The following DDAH1 variants were observed in gnomAD, a reference collection of about 807,000 sequenced individuals.
The protein encoded by DDAH1 is dimethylarginine dimethylaminohydrolase 1.
DDAH1 carries 19 observed loss-of-function variants against 28.8 expected under a neutral mutation model. The ratio of observed to expected loss-of-function variants is 0.66; its 90% confidence interval spans 0.46 to 0.97. The LOEUF (loss-of-function observed/expected upper bound fraction) is 0.97, where lower values mean the gene tolerates loss of function less well. Ranked by LOEUF, DDAH1 falls within the 50% of genes least tolerant of loss-of-function variation. DDAH1 has a pLI of 0.00. For synonymous variants in DDAH1, 153 were observed against 154.4 expected, an observed-to-expected ratio of 0.99 and a Z score of 0.07; for missense variants, 326 against 375.9, an observed-to-expected ratio of 0.87 and a Z score of 1.10.
intron 1 of DDAH1, among the ~76,000 whole-genome samples, chr1:85,514,945 G>T (rs519685): frequency 0.15 from 22,672 of 151,398 alleles, 1,968 homozygotes; most frequent in South Asian, 0.24. Flanking sequence ...ACCAAGATCT[G>T]GGTTCTAGGT....
chr1:85,516,016 C>G (rs1285092613), intron 1 of DDAH1, among the ~76,000 whole-genome samples: 1 of 151,996 alleles, frequency 6.6e-6, no homozygotes, highest in Non-Finnish European at 1.5e-5. Flanking sequence ...ATATGGTCAC[C>G]CTTTTGTTTC....
intron 1 of DDAH1, among the ~76,000 whole-genome samples, chr1:85,519,582 A>C (rs1372174990): frequency 9.2e-5 from 14 of 152,206 alleles, no homozygotes; most frequent in African/African-American, 3.4e-4. Flanking sequence ...TTACACGGAC[A>C]AAAAAGAAGA....
At chr1:85,559,806 GA>G (rs34636637) in intron 1 of DDAH1, among the ~76,000 whole-genome samples, 93,302 of 147,642 alleles carry the variant, frequency 0.63, 29,507 homozygotes, top group African/African-American at 0.68. Flanking sequence ...GAAAAAGACT[GA>G]AAAAAAAAAA....
upstream of DDAH1, among the ~76,000 whole-genome samples, chr1:85,468,225 G>A (rs770910549): frequency 3.3e-5 from 5 of 152,180 alleles, no homozygotes; most frequent in Non-Finnish European, 5.9e-5. Context: ...AGATGTTCCT[G>A]ATTGATTCTC....
intron 1 of DDAH1, among the ~76,000 whole-genome samples, chr1:85,556,266 C>A (rs567550591): frequency 6.6e-6 from 1 of 152,144 alleles, no homozygotes; most frequent in African/African-American, 2.4e-5. Context: ...ACATCCTCTG[C>A]CCCATTGCCA....
chr1:85,411,092 C>T (rs1030663566), intron 1 of DDAH1, among the ~76,000 whole-genome samples: 15 of 152,162 alleles, frequency 9.9e-5, no homozygotes, highest in African/African-American at 1.9e-4. Flanking sequence ...AGTGTCTTGG[C>T]GGGGATCCTG....
intron 1 of DDAH1, among the ~76,000 whole-genome samples, chr1:85,510,140 C>G (rs1284078601): frequency 6.6e-6 from 1 of 152,216 alleles, no homozygotes; most frequent in Admixed American, 6.5e-5. Context: ...ATCAGACTAA[C>G]AGCAGATCAC....
intron 1 of DDAH1, among the ~76,000 whole-genome samples, chr1:85,418,437 G>T (rs1369933443): frequency 1.3e-5 from 2 of 151,962 alleles, no homozygotes; most frequent in African/African-American, 4.8e-5. Context: ...ACACATCTGG[G>T]GTTTATAATT....
rs569808467 is a variant in DDAH1 at position 85,414,036 on chromosome 1, G to A, written c.303+50707C>T. 4.2e-4 allele frequency among the ~76,000 whole-genome samples: 64 copies of A among 152,260 alleles called. No homozygotes were observed. The South Asian group carries it at 0.013, about 31-fold the overall frequency. On this transcript the variant is annotated intron_variant, in intron 1 of 5. Transcript: ENST00000284031. ...TTATTGTATGCTTAACATGTATCAG[G>A]TCAGGCACTGTACATTTAACTTTCA... is the stretch of plus-strand genomic sequence containing the variant.
intron 4 of DDAH1, among the ~76,000 whole-genome samples, chr1:85,328,391 G>A (rs781177118): frequency 2.0e-5 from 3 of 152,228 alleles, no homozygotes; most frequent in Non-Finnish European, 2.9e-5. Context: ...CTTCATAGTA[G>A]AGTGGGGCTG....
At chr1:85,417,705 CA>C (rs1447622331) in intron 1 of DDAH1, among the ~76,000 whole-genome samples, 1 of 152,116 alleles carries the variant, frequency 6.6e-6, no homozygotes, top group Non-Finnish European at 1.5e-5. Context: ...TTATTCAATA[CA>C]AAAAGAATAA....
chr1:85,350,367 T>G (rs1424493543), intron 4 of DDAH1, 48 bp downstream of exon 4: 17 of 1,593,318 alleles, frequency 1.1e-5, no homozygotes, highest in African/African-American at 4.0e-5. Context: ...AAAAACCCTG[T>G]GGCAGGCACC....
At chr1:85,516,063 C>T (rs1460566478) in intron 1 of DDAH1, among the ~76,000 whole-genome samples, 9 of 151,660 alleles carry the variant, frequency 5.9e-5, no homozygotes, top group South Asian at 2.1e-4. Flanking sequence ...TTTTTCTAAG[C>T]GCAACAGTCA....
chr1:85,527,329 GTC>G lies in DDAH1; in HGVS notation c.-122-31050_-122-31049del. ...AGCGAAAGGCTTGTGCAGCGGTCTG[GTC>G]TCTGTGAACCATGCAGGCAGTGTTG... On this transcript the variant is annotated intron_variant, in intron 1 of 6. Transcript: ENST00000426972. Among the ~76,000 whole-genome samples, 5 of 148,458 alleles carry G rather than the reference GTC, an allele frequency of 3.4e-5. No individual in the cohort carries two copies. In the Middle Eastern group the frequency reaches 0.017, roughly 512 times the overall value.
At chr1:85,558,826 A>G (rs1052886987) in intron 1 of DDAH1, among the ~76,000 whole-genome samples, 2 of 152,192 alleles carry the variant, frequency 1.3e-5, no homozygotes, top group Non-Finnish European at 2.9e-5. Context: ...TGGGATCTTG[A>G]TGTACATAGA....
intron 1 of DDAH1, among the ~76,000 whole-genome samples, chr1:85,574,703 C>T (rs1659548588): frequency 6.6e-6 from 1 of 152,164 alleles, no homozygotes; most frequent in African/African-American, 2.4e-5. Flanking sequence ...ATCACAAGCT[C>T]TGAATAAATC....
intron 3 of DDAH1, among the ~76,000 whole-genome samples, 188 bp downstream of exon 3, chr1:85,351,318 T>A (rs538497658): frequency 1.3e-5 from 2 of 152,328 alleles, no homozygotes; most frequent in East Asian, 3.9e-4. Context: ...GGTAGCCCAG[T>A]GAAGCTGAAT....
chr1:85,440,116 A>G (rs1251204645), intron 1 of DDAH1, among the ~76,000 whole-genome samples: 1 of 152,128 alleles, frequency 6.6e-6, no homozygotes, highest in Non-Finnish European at 1.5e-5. Flanking sequence ...GCTTATTAAG[A>G]TTTTTTTCTA....
In DDAH1 at chr1:85,472,121, C is replaced by T. The variant is rs565841206; in HGVS notation, c.-7+24045G>A. Among the ~76,000 whole-genome samples, 3 of 152,290 alleles carry T rather than the reference C, an allele frequency of 2.0e-5. 1 individual carries two copies. In the South Asian group the frequency reaches 6.2e-4, roughly 32 times the overall value. ...AAATATTACTCCAACTTTCCTTCTG[C>T]CCTATTTCTGTGAAAACAGGCCATA... On this transcript the variant is annotated intron_variant, in intron 2 of 6. Coordinates refer to the DDAH1 transcript ENST00000426972.
Sources: gnomAD v4.1 joint callset for allele counts (sites outside exome capture counted in the v4.1 genomes callset) on GRCh38, gnomAD v4.1.1 for gene constraint, MANE v1.5 for transcripts, NCBI Gene and HGNC (gene_info 2026-07-23, HGNC 2026-07-21) for gene names.